KDM4C: variants seen among roughly 807,000 people sequenced by gnomAD.
The protein encoded by KDM4C is lysine-specific demethylase 4C.
KDM4C carries 81 observed loss-of-function variants against 129.3 expected under a neutral mutation model. That is an observed-to-expected ratio of 0.63 (90% CI 0.52 to 0.75). The LOEUF is 0.75. KDM4C is among the 30% of genes least tolerant of loss of function. KDM4C has a pLI of 0.00. For missense variants in KDM4C, 1,457 were observed against 1,304.0 expected (o/e 1.12, Z -1.81); for synonymous variants, 573 against 456.1 (o/e 1.26, Z -3.26).
intron 20 of KDM4C, among the ~76,000 whole-genome samples, chr9:7,165,603 G>T (rs1347887241): frequency 6.6e-6 from 1 of 152,358 alleles, no homozygotes; most frequent in East Asian, 1.9e-4. Context: ...ATATGGTTCT[G>T]CCAGAAAGAT....
At chr9:6,914,161 G>A (rs1483584045) in intron 8 of KDM4C, among the ~76,000 whole-genome samples, 1 of 152,204 alleles carries the variant, frequency 6.6e-6, no homozygotes, top group African/African-American at 2.4e-5. Flanking sequence ...CCAGGTTCAA[G>A]CGATTCTCCT....
chr9:6,794,340 G>A (rs1039236286), intron 2 of KDM4C, among the ~76,000 whole-genome samples: 1 of 152,220 alleles, frequency 6.6e-6, no homozygotes, highest in African/African-American at 2.4e-5. Context: ...AGAAAGAATA[G>A]CAAGTCCAGC....
At chr9:6,837,636 A>G (rs964198245) in intron 4 of KDM4C, among the ~76,000 whole-genome samples, 7 of 152,122 alleles carry the variant, frequency 4.6e-5, no homozygotes, top group East Asian at 1.9e-4. Context: ...TCGGCCATTC[A>G]TATTCCTGTC....
chr9:7,151,214 A>T (rs1268143626), intron 19 of KDM4C, among the ~76,000 whole-genome samples: 1 of 152,172 alleles, frequency 6.6e-6, no homozygotes, highest in Non-Finnish European at 1.5e-5. Context: ...TAGTGCTTTT[A>T]TTTTTGTGAA....
At chr9:6,948,523 T>TTC (rs1212356950) in intron 8 of KDM4C, among the ~76,000 whole-genome samples, 6 of 148,724 alleles carry the variant, frequency 4.0e-5, no homozygotes, top group Non-Finnish European at 7.4e-5. Flanking sequence ...TCTTGGGTGT[T>TTC]TCTCGCAGAG....
intron 19 of KDM4C, among the ~76,000 whole-genome samples, chr9:7,157,738 C>G (rs1051100592): frequency 6.6e-6 from 1 of 152,162 alleles, no homozygotes; most frequent in African/African-American, 2.4e-5. Flanking sequence ...TTTTGATGAG[C>G]TGCTGGATTC....
intron 1 of KDM4C, among the ~76,000 whole-genome samples, chr9:6,731,773 C>T (rs62566477): frequency 0.086 from 13,113 of 152,166 alleles, 740 homozygotes; most frequent in Non-Finnish European, 0.12. Flanking sequence ...GTGACCAGAA[C>T]TTAGGGCCTT....
intron 4 of KDM4C, among the ~76,000 whole-genome samples, chr9:6,820,885 G>A (rs1453516644): frequency 2.6e-5 from 1 of 39,184 alleles, no homozygotes; most frequent in African/African-American, 1.1e-4. Flanking sequence ...CCCAACCCCC[G>A]ACAGGCCCCA....
chr9:6,841,006 G>T (rs1216050797), intron 4 of KDM4C, among the ~76,000 whole-genome samples: 1 of 152,206 alleles, frequency 6.6e-6, no homozygotes, highest in African/African-American at 2.4e-5. Flanking sequence ...GTGGAAGAAA[G>T]ACTGTAGTCC....
intron 17 of KDM4C, among the ~76,000 whole-genome samples, chr9:7,091,874 G>T (rs760311082): frequency 1.3e-5 from 2 of 152,208 alleles, no homozygotes; most frequent in Non-Finnish European, 2.9e-5. Flanking sequence ...GAAGGAAGAA[G>T]AGTTGGTGAT....
At chr9:6,737,247 A>G (rs1817552743) in intron 1 of KDM4C, among the ~76,000 whole-genome samples, 1 of 151,930 alleles carries the variant, frequency 6.6e-6, no homozygotes, top group Admixed American at 6.6e-5. Flanking sequence ...TAAAAAGACA[A>G]CCTACAGACT....
intron 9 of KDM4C, among the ~76,000 whole-genome samples, chr9:6,983,548 C>T (rs1321857497): frequency 1.5e-5 from 2 of 135,776 alleles, no homozygotes; most frequent in African/African-American, 5.7e-5. Flanking sequence ...CCACCCGGGA[C>T]AATATAGTGA....
intron 8 of KDM4C, among the ~76,000 whole-genome samples, chr9:6,953,569 A>C (rs141065475): frequency 0.011 from 1,707 of 152,314 alleles, 26 homozygotes; most frequent in African/African-American, 0.037. Context: ...GCTCATTTTG[A>C]AAATAATGTG....
At chr9:6,908,613 G>A (rs368923554) in intron 8 of KDM4C, among the ~76,000 whole-genome samples, 7 of 152,008 alleles carry the variant, frequency 4.6e-5, no homozygotes, top group African/African-American at 7.3e-5. Flanking sequence ...GATCTTCTTG[G>A]GGGGAGGATG....
At chr9:6,852,965 T>G (rs1261502510) in intron 5 of KDM4C, among the ~76,000 whole-genome samples, 1 of 151,994 alleles carries the variant, frequency 6.6e-6, no homozygotes, top group Non-Finnish European at 1.5e-5. Flanking sequence ...CCACCTCCTT[T>G]CTCCCCGACC....
At chr9:6,757,697 C>T (rs866453468), upstream of KDM4C, 7 of 985,502 alleles carry the variant, frequency 7.1e-6, no homozygotes, top group South Asian at 3.3e-4. Context: ...TACATCAGGT[C>T]CAGCCCTGCG....
chr9:7,069,881 T>C (rs1832958790), intron 17 of KDM4C, among the ~76,000 whole-genome samples: 1 of 152,222 alleles, frequency 6.6e-6, no homozygotes, highest in Non-Finnish European at 1.5e-5. Context: ...TATATTAAGG[T>C]TCTCACACCA....
intron 8 of KDM4C, among the ~76,000 whole-genome samples, chr9:6,951,896 T>A (rs1828219629): frequency 6.6e-6 from 1 of 152,240 alleles, no homozygotes; most frequent in African/African-American, 2.4e-5. Context: ...ATGATTATGA[T>A]AATTGATCTT....
chr9:6,884,957 C>T (rs1845034275), intron 6 of KDM4C, among the ~76,000 whole-genome samples: 1 of 152,218 alleles, frequency 6.6e-6, no homozygotes, highest in Admixed American at 6.5e-5. Flanking sequence ...GACACATCCA[C>T]TCTATTTCAA....
Sources: allele counts gnomAD v4.1 joint callset (sites outside exome capture counted in the v4.1 genomes callset), GRCh38; gene constraint gnomAD v4.1.1; transcripts MANE v1.5; gene names NCBI Gene and HGNC (gene_info 2026-07-23, HGNC 2026-07-21).